GPI: variants seen among roughly 807,000 people sequenced by gnomAD.
GPI encodes the protein glucose-6-phosphate isomerase.
In GPI, 56 loss-of-function variants were observed where a neutral mutation model predicts 75.8. The ratio of observed to expected loss-of-function variants is 0.74; its 90% CI spans 0.60 to 0.92. GPI has a LOEUF of 0.92. GPI is among the 40% of genes least tolerant of loss of function. The pLI, the probability that GPI is intolerant of heterozygous loss-of-function variation, is 0.00. For synonymous variants in GPI, 288 were observed against 285.4 expected, an observed-to-expected ratio of 1.01 and a Z score of -0.09; for missense variants, 638 against 741.0, an observed-to-expected ratio of 0.86 and a Z score of 1.61.
chr19:34,397,627 A>G (rs571609298), intron 14 of GPI: 1 of 151,112 alleles, frequency 6.6e-6, no homozygotes, highest in South Asian at 2.1e-4. Flanking sequence ...ACTTACAGGC[A>G]CTAACAGGCA....
At chr19:34,381,414 C>A in intron 8 of GPI, 52 bp from the exon 9 acceptor site, 2 of 1,236,284 alleles carry the variant, frequency 1.6e-6, no homozygotes, top group Non-Finnish European at 2.4e-6. Flanking sequence ...TGTTCCCATC[C>A]CGCTAGCAAA....
At chr19:34,376,374 G>A (rs1380410862) in intron 4 of GPI, among the ~76,000 whole-genome samples, 3 of 152,056 alleles carry the variant, frequency 2.0e-5, no homozygotes, top group Non-Finnish European at 4.4e-5. Flanking sequence ...TGGCCAACAC[G>A]GCGAAACCCC....
intron 8 of GPI, chr19:34,379,956 G>C: frequency 4.0e-6 from 1 of 248,142 alleles, no homozygotes; most frequent in Non-Finnish European, 7.7e-6. Flanking sequence ...GAAGGGAGGT[G>C]ACATTTTGCC....
Position 34,393,698 on chromosome 19 carries a change from A to G in GPI, c.866-30A>G. The G allele has an allele frequency of 4.3e-6, 7 of 1,611,498 alleles. No homozygotes were observed. Among genetic ancestry groups the G allele is most frequent in the Non-Finnish European group, 5.9e-6 (7 of 1,178,636 alleles). ...TGCCCACAGGACGCAGGGTGTGGCC[A>G]CTTCTGTTGACTCTGCTTTTGTGTC... is the stretch of plus-strand genomic sequence containing the variant. On this transcript the variant is annotated intron_variant, in intron 10 of 17. Transcript: ENST00000356487. The surrounding 1 kb of genome is among the most constrained non-coding windows in gnomAD (Gnocchi z 4.4).
At chr19:34,368,350 A>G (rs1384773761) in intron 3 of GPI, among the ~76,000 whole-genome samples, 2 of 152,276 alleles carry the variant, frequency 1.3e-5, no homozygotes, top group South Asian at 2.1e-4. Flanking sequence ...TGTCCTAGGC[A>G]TATATGGGTC....
At position 34,377,815 on chromosome 19, in the gene GPI, A is replaced by T; in HGVS notation, c.567A>T (p.Gly189=). Residue 189 remains glycine (G), a synonymous_variant, in exon 6 of 18, where the codon GGA becomes GGT. Transcript: ENST00000356487. ...TCTGGTATGTCTCCAACATTGATGG[A>T]ACTCACATTGCCAAAACCCTGGCCC... The part of the protein sequence containing the change: ...PRVWYVSNID[G]THIAKTLAQL... 1 of 1,614,028 alleles carries T rather than the reference A, an allele frequency of 6.2e-7. No homozygotes were observed. The highest frequency in any genetic ancestry group is 1.6e-4 in the Middle Eastern group (1 of 6,062).
Position 34,393,346 on chromosome 19 carries a change from A to G in GPI, c.865+38A>G. On this transcript the variant is annotated intron_variant, in intron 10 of 17. Coordinates refer to ENST00000356487, the MANE Select transcript of GPI (RefSeq NM_000175.5). This position sits in a 1 kb window ranked among gnomAD's most constrained non-coding sequence, Gnocchi z 4.4. ...CTGTGTCTTGCAGCCCCTGTGGGAG[A>G]CAGTGTTGCAGTCTAAGGTCGGGGT... 1 of 1,528,476 alleles carries G rather than the reference A, an allele frequency of 6.5e-7. No homozygotes were observed. The highest frequency in any genetic ancestry group is 9.1e-7 in the Non-Finnish European group (1 of 1,101,662). 94.7% of individuals were successfully genotyped at this position (1,528,476 alleles called of 1,614,324 possible).
rs1311079232 is a variant in GPI at position 34,377,872 on chromosome 19, T to A, written c.624T>A (p.Ile208=). Residue 208 remains isoleucine, a synonymous_variant, in exon 6 of 18, where the codon ATT becomes ATA. Transcript: ENST00000356487. ...ACCCCGAGTCCTCCCTGTTCATCAT[T>A]GCCTCCAAGGTATGAGTGCCGAAAA... The part of the protein sequence containing the change: ...QLNPESSLFI[I]ASKTFTTQET... The A allele has an allele frequency of 6.2e-7, 1 of 1,614,114 alleles. No individual in the cohort carries two copies. Among genetic ancestry groups the A allele is most frequent in the South Asian group, 1.1e-5 (1 of 91,078 alleles).
intron 8 of GPI, 170 bp from the exon 9 acceptor site, chr19:34,381,296 C>T: frequency 1.4e-6 from 1 of 694,956 alleles, no homozygotes; most frequent in Non-Finnish European, 2.6e-6. Context: ...TGGGCAGATC[C>T]TGGGCCCTGC....
At chr19:34,378,871 C>G (rs2074594460) in intron 6 of GPI, 63 bp from the exon 7 acceptor site, 2 of 1,273,194 alleles carry the variant, frequency 1.6e-6, no homozygotes, top group East Asian at 2.3e-5. Flanking sequence ...CTGCTGAACC[C>G]TGGCTCAAGG....
At position 34,381,456 on chromosome 19, in the gene GPI, T is replaced by A. The variant is rs1198891396; in HGVS notation, c.751-10T>A. 1.9e-6 allele frequency: 3 copies of A among 1,595,616 alleles called. No individual in the cohort carries two copies. The Admixed American group carries it at 5.0e-5, about 27-fold the overall frequency. ...TTTGCATTTCTCTCCCTTTGTTTTTTTTTTTGTAGACCAAAGTGAAGGAGT... is the reference window on the plus strand; with the variant it reads ...TTTGCATTTCTCTCCCTTTGTTTTTATTTTTGTAGACCAAAGTGAAGGAGT... On this transcript the variant is annotated splice_polypyrimidine_tract_variant and intron_variant, in intron 8 of 17. Coordinates refer to ENST00000356487, the MANE Select transcript of GPI (RefSeq NM_000175.5).
At chr19:34,375,160 TA>T (rs35528136) in intron 4 of GPI, among the ~76,000 whole-genome samples, 5 of 151,248 alleles carry the variant, frequency 3.3e-5, no homozygotes. Context: ...TTTTTTTTTT[TA>T]AGACGGAGTC....
chr19:34,364,332 C>T (rs2074322732), upstream of GPI, among the ~76,000 whole-genome samples: 2 of 151,938 alleles, frequency 1.3e-5, no homozygotes, highest in East Asian at 1.9e-4. Context: ...CTTACAATGA[C>T]TTACAAGGTC....
Position 34,393,708 on chromosome 19 carries a change from ACT to A in GPI, c.866-17_866-16del. On this transcript the variant is annotated intron_variant, in intron 10 of 17. Transcript: ENST00000356487. This position sits in a 1 kb window ranked among gnomAD's most constrained non-coding sequence, Gnocchi z 4.4. ...ACGCAGGGTGTGGCCACTTCTGTTG[ACT>A]CTGCTTTTGTGTCACAGGTTTTGAC... is the stretch of plus-strand genomic sequence containing the variant. 6.2e-7 allele frequency: 1 copy of A among 1,608,832 alleles called. No homozygotes were observed. Among genetic ancestry groups the A allele is most frequent in the Non-Finnish European group, 8.5e-7 (1 of 1,178,982 alleles).
At position 34,400,105 on chromosome 19, in the gene GPI, C is replaced by T; in HGVS notation, c.*69C>T. 1.3e-6 allele frequency: 2 copies of T among 1,521,930 alleles called. No individual in the cohort carries two copies. The highest frequency in any genetic ancestry group is 2.2e-5 in the East Asian group (1 of 44,504). The allele number at this position is 1,521,930 out of a possible 1,614,324, so 94.3% of individuals were successfully genotyped here. A position where few individuals can be genotyped will look rare whatever the true frequency, so the allele number is the denominator to read the frequency against. Reference sequence around the variant, plus strand: ...TCTCGTCCCTCCTCCCCGGAGCCGGCACTGCATGTTCCTGGACACCACCCA... The same window carrying T: ...TCTCGTCCCTCCTCCCCGGAGCCGGTACTGCATGTTCCTGGACACCACCCA... On this transcript the variant is annotated 3_prime_UTR_variant, in exon 18 of 18. Coordinates refer to ENST00000356487, the MANE Select transcript of GPI (RefSeq NM_000175.5).
rs1568333175 is a variant in GPI, at chr19:34,377,327, AAAAAAAAAAATATATAT to A, written c.403-174_403-158del. Reference sequence around the variant, plus strand: ...AAAAAAAAAAAAAAAAAAAAAAAAAAAAAAAAAAAATATATATATATATATATATATGGTAAATTAAA... The same window carrying A: ...AAAAAAAAAAAAAAAAAAAAAAAAAAATATATATATATATGGTAAATTAAA... On this transcript the variant is annotated intron_variant, in intron 4 of 17. Transcript: ENST00000356487. Among the ~76,000 whole-genome samples the A allele has an allele frequency of 2.9e-4, 27 of 93,038 alleles. 1 individual carries two copies. Among genetic ancestry groups the A allele is most frequent in the African/African-American group, 5.7e-4 (11 of 19,132 alleles). The allele number at this position is 93,038 out of a possible 152,430, so 61.0% of individuals were successfully genotyped here. A position where few individuals can be genotyped will look rare whatever the true frequency, so the allele number is the denominator to read the frequency against.
intron 9 of GPI, among the ~76,000 whole-genome samples, chr19:34,386,377 C>G (rs2074735276): frequency 6.6e-6 from 1 of 150,662 alleles, no homozygotes; most frequent in Non-Finnish European, 1.5e-5. Context: ...GTCTGAGAAC[C>G]CAGGGTCAAG....
In GPI at chr19:34,393,623, T is replaced by A; in HGVS notation, c.866-105T>A. On this transcript the variant is annotated intron_variant, in intron 10 of 17. Coordinates refer to ENST00000356487, the MANE Select transcript of GPI (RefSeq NM_000175.5). The surrounding 1 kb of genome is among the most constrained non-coding windows in gnomAD (Gnocchi z 4.4). ...GGTCCGAGTCCTCCCATGTCGTATC[T>A]TCTGGCTCTCCATGCAGCCTTCCTT... The A allele has an allele frequency of 8.8e-7, 1 of 1,132,198 alleles. No homozygotes were observed. The highest frequency in any genetic ancestry group is 1.3e-6 in the Non-Finnish European group (1 of 744,964). 70.1% of individuals were successfully genotyped at this position (1,132,198 alleles called of 1,614,324 possible).
intron 15 of GPI, 25 bp from the exon 16 acceptor site, chr19:34,399,531 A>C: frequency 6.2e-7 from 1 of 1,611,226 alleles, no homozygotes; most frequent in Non-Finnish European, 8.5e-7. Flanking sequence ...ACTCTCTTGG[A>C]GACATTCCTT....
Sources: allele counts gnomAD v4.1 joint callset (sites outside exome capture counted in the v4.1 genomes callset), GRCh38; gene constraint gnomAD v4.1.1; non-coding constraint Gnocchi (gnomAD v3.1); transcripts MANE v1.5; gene names NCBI Gene and HGNC (gene_info 2026-07-23, HGNC 2026-07-21).